Variants in HSD11B1 observed in about 807,000 individuals in gnomAD.
The protein encoded by HSD11B1 is 11-beta-hydroxysteroid dehydrogenase 1.
In HSD11B1, 15 loss-of-function variants were observed where a neutral mutation model predicts 22.1. The ratio of observed to expected loss-of-function variants is 0.68; its 90% CI spans 0.45 to 1.04. HSD11B1 has a LOEUF of 1.04. Ranked by LOEUF, HSD11B1 falls within the 50% of genes least tolerant of loss-of-function variation. HSD11B1 has a pLI of 0.00. For missense variants in HSD11B1, 281 were observed against 357.6 expected (o/e 0.79, Z 1.73); for synonymous variants, 122 against 125.2 (o/e 0.97, Z 0.17).
rs2076859368 is a variant in HSD11B1 at position 209,706,443 on chromosome 1, CAG to C, written c.220-264_220-263del. On this transcript the variant is annotated intron_variant, in intron 2 of 5. Coordinates refer to ENST00000367027, the MANE Select transcript of HSD11B1 (RefSeq NM_005525.4). The surrounding 1 kb of genome is among the most constrained non-coding windows in gnomAD (Gnocchi z 4.0). Reference sequence around the variant, plus strand: ...TAATGCCCTCAGAAATGCCTATTCACAGAAGCCATGAGCATAAATCATGAACT... The same window carrying C: ...TAATGCCCTCAGAAATGCCTATTCACAAGCCATGAGCATAAATCATGAACT... Among the ~76,000 whole-genome samples the C allele has an allele frequency of 2.0e-5, 3 of 152,192 alleles. No homozygotes were observed. Among genetic ancestry groups the C allele is most frequent in the African/African-American group, 7.2e-5 (3 of 41,448 alleles).
intron 1 of HSD11B1, among the ~76,000 whole-genome samples, chr1:209,689,881 T>G (rs755383764): frequency 1.6e-4 from 25 of 152,170 alleles, no homozygotes; most frequent in Non-Finnish European, 3.4e-4. Context: ...GACAAAAGCC[T>G]TAGATACTGG....
At chr1:209,708,991 T>C (rs1412728476) in intron 4 of HSD11B1, among the ~76,000 whole-genome samples, 1 of 152,240 alleles carries the variant, frequency 6.6e-6, no homozygotes, top group African/African-American at 2.4e-5. Flanking sequence ...TACAGACACA[T>C]TGCTGTCTTG....
intron 1 of HSD11B1, among the ~76,000 whole-genome samples, chr1:209,693,341 T>G (rs915826278): frequency 2.6e-5 from 4 of 152,248 alleles, no homozygotes; most frequent in Non-Finnish European, 4.4e-5. Flanking sequence ...TGGTCAATAC[T>G]GAGGAAGAGG....
At chr1:209,699,052 G>T (rs1438767145) in intron 1 of HSD11B1, among the ~76,000 whole-genome samples, 2 of 152,198 alleles carry the variant, frequency 1.3e-5, no homozygotes, top group African/African-American at 2.4e-5. Context: ...TGACATGAAG[G>T]ATTGACAAAT....
intron 4 of HSD11B1, among the ~76,000 whole-genome samples, chr1:209,713,001 A>G (rs976518150): frequency 2.6e-5 from 4 of 152,148 alleles, no homozygotes; most frequent in East Asian, 1.9e-4. Flanking sequence ...GTGAGCCGAG[A>G]TCGCACCACT....
At chr1:209,695,273 G>A (rs1034564754) in intron 1 of HSD11B1, among the ~76,000 whole-genome samples, 3 of 152,298 alleles carry the variant, frequency 2.0e-5, no homozygotes, top group Non-Finnish European at 4.4e-5. Context: ...TCATAGCAGT[G>A]TGAAAGTGGA....
chr1:209,708,876 G>T (rs1664069494), intron 4 of HSD11B1, among the ~76,000 whole-genome samples: 1 of 152,174 alleles, frequency 6.6e-6, no homozygotes, highest in South Asian at 2.1e-4. Context: ...CATGAACTCT[G>T]GGAGGTAGGA....
At chr1:209,707,208 T>C (rs1253530277) in intron 4 of HSD11B1, 80 bp downstream of exon 4, 5 of 1,187,018 alleles carry the variant, frequency 4.2e-6, no homozygotes, top group African/African-American at 3.0e-5. Context: ...GAAGTAGACA[T>C]AAATTTTTAT....
chr1:209,698,512 G>A (rs861762), intron 1 of HSD11B1, among the ~76,000 whole-genome samples: 6,932 of 152,226 alleles, frequency 0.046, 445 homozygotes, highest in African/African-American at 0.14. Context: ...AAAGCCCTGT[G>A]GTGGTCATGC....
chr1:209,722,920 T>G (rs1199904557), intron 4 of HSD11B1, among the ~76,000 whole-genome samples: 1 of 152,104 alleles, frequency 6.6e-6, no homozygotes, highest in Non-Finnish European at 1.5e-5. Flanking sequence ...GGATGGAGGG[T>G]AGAGAGGGGA....
At chr1:209,726,293 A>C (rs947701019) in intron 4 of HSD11B1, among the ~76,000 whole-genome samples, 2 of 151,460 alleles carry the variant, frequency 1.3e-5, no homozygotes, top group African/African-American at 2.4e-5. Context: ...AAAAAAAAAA[A>C]AAAAAAAAAA....
At chr1:209,692,719 C>T (rs2076768869) in intron 1 of HSD11B1, among the ~76,000 whole-genome samples, 1 of 151,302 alleles carries the variant, frequency 6.6e-6, no homozygotes, top group African/African-American at 2.4e-5. Context: ...AGGAGCCTGA[C>T]TAAAGTTTGG....
At chr1:209,698,742 CAT>C (rs2076808290) in intron 1 of HSD11B1, among the ~76,000 whole-genome samples, 1 of 152,222 alleles carries the variant, frequency 6.6e-6, no homozygotes. Flanking sequence ...GCCCTTAAAA[CAT>C]AAAAACAACA....
At chr1:209,703,631 T>C (rs36212449), upstream of HSD11B1, among the ~76,000 whole-genome samples, 1,007 of 152,250 alleles carry the variant, frequency 6.6e-3, 12 homozygotes, top group African/African-American at 0.023. Flanking sequence ...AAGTGAAAAT[T>C]TGATGAATGT....
At chr1:209,711,329 A>T (rs1291485097) in intron 4 of HSD11B1, among the ~76,000 whole-genome samples, 65 of 152,118 alleles carry the variant, frequency 4.3e-4, no homozygotes, top group Admixed American at 4.3e-3. Flanking sequence ...GCCTCAGGTT[A>T]TTGGGGGTGG....
At chr1:209,695,370 T>G (rs1462982996) in intron 1 of HSD11B1, among the ~76,000 whole-genome samples, 1 of 152,134 alleles carries the variant, frequency 6.6e-6, no homozygotes, top group Non-Finnish European at 1.5e-5. Context: ...TGGTGATTAA[T>G]GGAATATGGA....
At chr1:209,690,909 A>G (rs1304099190) in intron 1 of HSD11B1, among the ~76,000 whole-genome samples, 1 of 152,302 alleles carries the variant, frequency 6.6e-6, no homozygotes, top group East Asian at 1.9e-4. Context: ...AAAATACTCA[A>G]AAAAATTTCT....
chr1:209,722,687 G>C (rs1331293585), intron 4 of HSD11B1, among the ~76,000 whole-genome samples: 3 of 152,160 alleles, frequency 2.0e-5, no homozygotes, highest in Non-Finnish European at 1.5e-5. Context: ...TGGGAAAAAT[G>C]GGGGGCAGGA....
chr1:209,698,184 TAG>T (rs2076804607), intron 1 of HSD11B1, among the ~76,000 whole-genome samples: 1 of 134,500 alleles, frequency 7.4e-6, no homozygotes, highest in African/African-American at 2.5e-5. Flanking sequence ...GATAGATAGA[TAG>T]ATAGATAGAT....
Sources: gnomAD v4.1 joint callset for allele counts (sites outside exome capture counted in the v4.1 genomes callset) on GRCh38, gnomAD v4.1.1 for gene constraint, Gnocchi (gnomAD v3.1) non-coding constraint, MANE v1.5 for transcripts, NCBI Gene and HGNC (gene_info 2026-07-23, HGNC 2026-07-21) for gene names.